Variants in LRP1B observed in about 807,000 individuals in gnomAD.
The protein encoded by LRP1B is LDL receptor related protein 1B.
LRP1B carries 217 observed loss-of-function variants against 556.6 expected under a neutral mutation model. The observed-to-expected ratio is 0.39, with a 90% CI of 0.35 to 0.44. LRP1B has a LOEUF of 0.44. LRP1B is among the 20% of genes least tolerant of loss of function. LRP1B has a pLI of 1.00. For synonymous variants in LRP1B, 2,047 were observed against 1,865.8 expected (o/e 1.10, Z -2.50); for missense variants, 5,053 against 5,620.8 (o/e 0.90, Z 3.23).
intron 2 of LRP1B, among the ~76,000 whole-genome samples, chr2:141,671,262 C>A (rs1370102187): frequency 6.6e-6 from 1 of 152,084 alleles, no homozygotes; most frequent in South Asian, 2.1e-4. Context: ...ATTGCAAATA[C>A]GGCTAGAAAA....
At chr2:140,785,130 T>C (rs948592987) in intron 32 of LRP1B, among the ~76,000 whole-genome samples, 1 of 152,148 alleles carries the variant, frequency 6.6e-6, no homozygotes, top group African/African-American at 2.4e-5. Context: ...CTCCAACTTA[T>C]TATTGAGAAG....
At position 140,492,558 on chromosome 2, in the gene LRP1B, T is replaced by A. The variant is rs770827369; in HGVS notation, c.9120+50A>T. Reference sequence around the variant, plus strand: ...CAGGTAGTTCTACAGCTCTAACACATACCTAGTGCACATGTTAAATGTTAC... The same window carrying A: ...CAGGTAGTTCTACAGCTCTAACACAAACCTAGTGCACATGTTAAATGTTAC... On this transcript the variant is annotated intron_variant, in intron 57 of 90. Transcript: ENST00000389484. 2.4e-6 allele frequency: 3 copies of A among 1,251,328 alleles called. No homozygotes were observed. In the Admixed American group the frequency reaches 5.1e-5, roughly 21 times the overall value. 77.5% of individuals were successfully genotyped at this position (1,251,328 alleles called of 1,614,324 possible).
intron 1 of LRP1B, among the ~76,000 whole-genome samples, chr2:141,837,348 C>T (rs1697319996): frequency 6.6e-6 from 1 of 151,826 alleles, no homozygotes; most frequent in African/African-American, 2.4e-5. Flanking sequence ...CTTTTTTAAC[C>T]TTTATTAATA....
At chr2:141,280,028 C>T (rs1444897717) in intron 3 of LRP1B, among the ~76,000 whole-genome samples, 1 of 151,974 alleles carries the variant, frequency 6.6e-6, no homozygotes, top group Non-Finnish European at 1.5e-5. Context: ...GTAGCAAAAG[C>T]CCAAGTAAAC....
At chr2:141,148,052 C>T (rs150820644) in intron 7 of LRP1B, among the ~76,000 whole-genome samples, 75 of 152,280 alleles carry the variant, frequency 4.9e-4, no homozygotes, top group African/African-American at 1.7e-3. Flanking sequence ...CACAGAAGGA[C>T]AAACTCATCT....
intron 25 of LRP1B, among the ~76,000 whole-genome samples, chr2:140,879,883 T>C (rs1382005728): frequency 6.6e-6 from 1 of 151,052 alleles, no homozygotes; most frequent in Non-Finnish European, 1.5e-5. Flanking sequence ...TGTAGCATTA[T>C]AGGCATAAAA....
At chr2:142,005,132 T>C (rs1479494918) in intron 1 of LRP1B, among the ~76,000 whole-genome samples, 4 of 148,974 alleles carry the variant, frequency 2.7e-5, no homozygotes, top group African/African-American at 9.8e-5. Context: ...AACTATATAG[T>C]ATATATGTAC....
intron 2 of LRP1B, among the ~76,000 whole-genome samples, chr2:141,575,471 A>G (rs1265915355): frequency 6.6e-6 from 1 of 152,204 alleles, no homozygotes; most frequent in Non-Finnish European, 1.5e-5. Context: ...TAAAGACTTA[A>G]ATGTAAAACC....
chr2:141,722,221 T>C (rs192093959), intron 2 of LRP1B, among the ~76,000 whole-genome samples: 17 of 152,100 alleles, frequency 1.1e-4, no homozygotes, highest in African/African-American at 3.9e-4. Context: ...CTATTAAAAA[T>C]ACAAAAATTA....
At chr2:141,292,377 C>A (rs1165213971) in intron 3 of LRP1B, among the ~76,000 whole-genome samples, 1 of 152,082 alleles carries the variant, frequency 6.6e-6, no homozygotes, top group Non-Finnish European at 1.5e-5. Flanking sequence ...TCTATCAACT[C>A]ATAGTTCAGT....
chr2:141,616,847 C>A (rs1445346162), intron 2 of LRP1B, among the ~76,000 whole-genome samples: 4 of 152,164 alleles, frequency 2.6e-5, no homozygotes, highest in Non-Finnish European at 4.4e-5. Flanking sequence ...TTCAGTACCA[C>A]TTATAAGTAC....
intron 77 of LRP1B, among the ~76,000 whole-genome samples, chr2:140,346,272 T>C (rs1025467771): frequency 1.3e-5 from 2 of 151,790 alleles, no homozygotes; most frequent in African/African-American, 4.8e-5. Flanking sequence ...TATTGTAGAC[T>C]CATATAATAA....
intron 32 of LRP1B, among the ~76,000 whole-genome samples, chr2:140,799,771 C>T (rs188836274): frequency 2.8e-4 from 43 of 152,158 alleles, no homozygotes; most frequent in African/African-American, 9.4e-4. Flanking sequence ...TTGCTGCGGA[C>T]GAAGAGGTTC....
At position 140,257,400 on chromosome 2, in the gene LRP1B, C is replaced by T. The variant is rs112135365; in HGVS notation, c.13248-10238G>A. On this transcript the variant is annotated intron_variant, in intron 86 of 90. Coordinates refer to ENST00000389484, the MANE Select transcript of LRP1B (RefSeq NM_018557.3). ...TCTTACCTAGTGATTATATTTAAGA[C>T]CAAGAATATGTCCCAAAATCAAGGG... Among the ~76,000 whole-genome samples, 27 of 152,102 alleles carry T rather than the reference C, an allele frequency of 1.8e-4. 2 individuals are homozygous for T. The highest frequency in any genetic ancestry group is 5.8e-4 in the African/African-American group (24 of 41,488).
intron 86 of LRP1B, chr2:140,269,275 T>C (rs1354291734): frequency 2.1e-6 from 1 of 470,946 alleles, no homozygotes; most frequent in Admixed American, 2.4e-5. Flanking sequence ...TACTTGCATC[T>C]CGGCTCATTA....
chr2:142,034,591 T>A (rs1703813850), intron 1 of LRP1B, among the ~76,000 whole-genome samples: 1 of 151,792 alleles, frequency 6.6e-6, no homozygotes, highest in Non-Finnish European at 1.5e-5. Context: ...GTGTATTATG[T>A]ATCATTTGCA....
chr2:140,309,567 G>T (rs1437017621), intron 83 of LRP1B, among the ~76,000 whole-genome samples: 1 of 151,666 alleles, frequency 6.6e-6, no homozygotes, highest in East Asian at 1.9e-4. Flanking sequence ...TCTCTCACAG[G>T]TATCTTATGA....
chr2:140,683,923 C>A (rs973252202), intron 41 of LRP1B: 1 of 458,126 alleles, frequency 2.2e-6, no homozygotes, highest in Non-Finnish European at 4.0e-6. Flanking sequence ...GGCTTGCCCC[C>A]CTGGATGTTG....
intron 43 of LRP1B, among the ~76,000 whole-genome samples, chr2:140,592,591 T>A (rs1256834380): frequency 6.6e-6 from 1 of 152,102 alleles, no homozygotes; most frequent in Admixed American, 6.6e-5. Flanking sequence ...GTTTCAGAGT[T>A]CAGGCCCTTG....
Sources: allele counts gnomAD v4.1 joint callset (sites outside exome capture counted in the v4.1 genomes callset), GRCh38; gene constraint gnomAD v4.1.1; transcripts MANE v1.5; gene names NCBI Gene and HGNC (gene_info 2026-07-23, HGNC 2026-07-21).